Variants in RNF150 observed in about 807,000 individuals in gnomAD.
RNF150 encodes the protein ring finger protein 150.
RNF150 carries 24 observed loss-of-function variants against 39.3 expected under a neutral mutation model. The ratio of observed to expected loss-of-function variants is 0.61; its 90% confidence interval spans 0.44 to 0.86. The LOEUF is 0.86. RNF150 is among the 40% of genes least tolerant of loss of function. The pLI is 0.00. For synonymous variants in RNF150, 255 were observed against 227.3 expected, an observed-to-expected ratio of 1.12 and a Z score of -1.10; for missense variants, 502 against 587.8, an observed-to-expected ratio of 0.85 and a Z score of 1.51.
At chr4:141,203,621 T>C (rs17006987) in intron 1 of RNF150, among the ~76,000 whole-genome samples, 43,938 of 151,598 alleles carry the variant, frequency 0.29, 6,782 homozygotes, top group African/African-American at 0.39. Context: ...TCCTGTAATT[T>C]TCAGGGTCTT....
intron 4 of RNF150, among the ~76,000 whole-genome samples, chr4:140,938,912 A>G (rs563798338): frequency 2.6e-5 from 4 of 152,330 alleles, no homozygotes; most frequent in South Asian, 4.1e-4. Context: ...CTGAGACAGA[A>G]AAGCAGCTGT....
At chr4:140,921,003 C>G (rs1731102766) in intron 5 of RNF150, among the ~76,000 whole-genome samples, 1 of 151,406 alleles carries the variant, frequency 6.6e-6, no homozygotes, top group Admixed American at 6.6e-5. Context: ...TACATGGACA[C>G]AGGAAGGGGA....
At chr4:140,923,062 A>G (rs961826246) in intron 5 of RNF150, among the ~76,000 whole-genome samples, 1 of 150,766 alleles carries the variant, frequency 6.6e-6, no homozygotes, top group African/African-American at 2.5e-5. Flanking sequence ...AGGCATGGGC[A>G]AGGACTTCAC....
chr4:141,028,542 G>A (rs1175978298), intron 1 of RNF150, among the ~76,000 whole-genome samples: 1 of 152,158 alleles, frequency 6.6e-6, no homozygotes, highest in Admixed American at 6.6e-5. Context: ...GACAAATGGA[G>A]TATGAATTTT....
At position 141,169,795 on chromosome 4, in the gene RNF150, A is replaced by G. The variant is rs1727668057; in HGVS notation, c.-6+42999T>C. Among the ~76,000 whole-genome samples, 3 of 151,866 alleles carry G rather than the reference A, an allele frequency of 2.0e-5. No homozygotes were observed. The South Asian group carries it at 6.2e-4, about 32-fold the overall frequency. On this transcript the variant is annotated intron_variant, in intron 1 of 7. Transcript: ENST00000420921. The stretch of plus-strand genomic sequence containing the variant: ...TTTTTTTACATTTATGAGGTTAATT[A>G]TAGTTCTGCTACTTTTACAAGAACA...
chr4:141,102,123 T>C (rs562474980), intron 1 of RNF150, among the ~76,000 whole-genome samples: 3 of 152,218 alleles, frequency 2.0e-5, no homozygotes, highest in South Asian at 4.2e-4. Context: ...ATATATGTGG[T>C]TTTTCATGGA....
In RNF150 at chr4:140,866,161, A is replaced by G. The variant is rs976320866; in HGVS notation, c.*2100T>C. 7.2e-5 allele frequency: 11 copies of G among 152,246 alleles called. No homozygotes were observed. Among genetic ancestry groups the G allele is most frequent in the Admixed American group, 2.0e-4 (3 of 15,288 alleles). 9.4% of individuals were successfully genotyped at this position (152,246 alleles called of 1,614,324 possible). Reference sequence around the variant, plus strand: ...CATTTAGATTTTCATTCTCAGCACCATAGTTGTGCCAAGTCTCAAAGGCTG... The same window carrying G: ...CATTTAGATTTTCATTCTCAGCACCGTAGTTGTGCCAAGTCTCAAAGGCTG... On this transcript the variant is annotated 3_prime_UTR_variant, in exon 7 of 7. Transcript: ENST00000515673.
At chr4:141,030,048 T>C (rs1735874256) in intron 1 of RNF150, among the ~76,000 whole-genome samples, 1 of 151,868 alleles carries the variant, frequency 6.6e-6, no homozygotes, top group Admixed American at 6.6e-5. Context: ...TACAAAAAAT[T>C]AGCCAGGTGT....
intron 1 of RNF150, among the ~76,000 whole-genome samples, chr4:141,122,317 G>C (rs1043589200): frequency 6.6e-6 from 1 of 152,112 alleles, no homozygotes; most frequent in Admixed American, 6.5e-5. Flanking sequence ...CGCCACCTTC[G>C]GTGGTGTCTT....
intron 1 of RNF150, among the ~76,000 whole-genome samples, chr4:141,044,771 G>GCACACACACACACA (rs71584391): frequency 1.4e-3 from 198 of 146,640 alleles, no homozygotes; most frequent in African/African-American, 4.9e-3. Context: ...GGTGTGCAGC[G>GCACACACACACACA]CACACACACA....
chr4:141,191,661 T>C (rs1408596410), intron 1 of RNF150, among the ~76,000 whole-genome samples: 1 of 152,230 alleles, frequency 6.6e-6, no homozygotes, highest in East Asian at 1.9e-4. Flanking sequence ...ATACAAAATG[T>C]TTAATTCATA....
chr4:140,987,087 A>G (rs1215231380), intron 1 of RNF150, among the ~76,000 whole-genome samples: 1 of 152,154 alleles, frequency 6.6e-6, no homozygotes, highest in Non-Finnish European at 1.5e-5. Context: ...TTCTACAAGG[A>G]GAACTACAAA....
intron 1 of RNF150, among the ~76,000 whole-genome samples, chr4:141,171,095 G>T (rs1331191475): frequency 2.0e-5 from 3 of 152,146 alleles, no homozygotes; most frequent in Non-Finnish European, 4.4e-5. Flanking sequence ...AGGTTATAAT[G>T]AATATATACA....
chr4:141,196,453 G>T (rs559277186), intron 1 of RNF150, among the ~76,000 whole-genome samples: 1 of 152,130 alleles, frequency 6.6e-6, no homozygotes, highest in South Asian at 2.1e-4. Flanking sequence ...GCAGTAATTT[G>T]TTCCTGCCAC....
At chr4:141,134,590 G>A (rs1726994312), upstream of RNF150, among the ~76,000 whole-genome samples, 1 of 152,202 alleles carries the variant, frequency 6.6e-6, no homozygotes, top group African/African-American at 2.4e-5. Flanking sequence ...TGGCTGTTAA[G>A]GGAGGGCAAA....
chr4:140,994,905 C>G (rs1011595437), intron 1 of RNF150, among the ~76,000 whole-genome samples: 1 of 152,054 alleles, frequency 6.6e-6, no homozygotes, highest in African/African-American at 2.4e-5. Context: ...TATTTTGATA[C>G]AAGCATACAA....
intron 1 of RNF150, among the ~76,000 whole-genome samples, chr4:141,024,597 T>C (rs1274762398): frequency 6.6e-6 from 1 of 152,080 alleles, no homozygotes; most frequent in Admixed American, 6.6e-5. Flanking sequence ...GAATAAGCTA[T>C]CAACCTAAAT....
chr4:141,029,991 T>C (rs7689453), intron 1 of RNF150, among the ~76,000 whole-genome samples: 90,067 of 151,890 alleles, frequency 0.59, 27,402 homozygotes, highest in Non-Finnish European at 0.66. Context: ...GGTCAGGAGA[T>C]GGAGACCATC....
intron 2 of RNF150, among the ~76,000 whole-genome samples, chr4:140,961,341 T>A (rs1579006694): frequency 1.3e-5 from 2 of 152,132 alleles, no homozygotes; most frequent in Admixed American, 6.6e-5. Flanking sequence ...TTAATTGTGA[T>A]CTGCACAAAG....
Sources: allele counts gnomAD v4.1 joint callset (sites outside exome capture counted in the v4.1 genomes callset), GRCh38; gene constraint gnomAD v4.1.1; transcripts MANE v1.5; gene names NCBI Gene and HGNC (gene_info 2026-07-23, HGNC 2026-07-21).